The following SLC20A2 variants were observed in gnomAD, a reference collection of about 807,000 sequenced individuals.
SLC20A2 encodes solute carrier family 20 member 2.
In SLC20A2, 30 loss-of-function variants were observed where a neutral mutation model predicts 61.0. The observed-to-expected ratio is 0.49, with a 90% CI of 0.37 to 0.67. The LOEUF (loss-of-function observed/expected upper bound fraction) is 0.67. Ranked by LOEUF, SLC20A2 falls within the 30% of genes least tolerant of loss-of-function variation. The pLI, the probability that SLC20A2 is intolerant of heterozygous loss-of-function variation, is 0.00. For synonymous variants in SLC20A2, 351 were observed against 353.3 expected (o/e 0.99, Z 0.07); for missense variants, 626 against 866.4 (o/e 0.72, Z 3.48).
intron 1 of SLC20A2, among the ~76,000 whole-genome samples, chr8:42,510,245 A>G (rs1181752257): frequency 2.0e-5 from 3 of 152,194 alleles, no homozygotes; most frequent in Non-Finnish European, 1.5e-5. Flanking sequence ...AAAATATTCG[A>G]CTATGTTGAA....
chr8:42,427,731 T>C (rs1264642423), intron 10 of SLC20A2, among the ~76,000 whole-genome samples: 3 of 152,204 alleles, frequency 2.0e-5, no homozygotes, highest in Admixed American at 6.5e-5. Context: ...CCACCTGACC[T>C]GGGTGTTTGA....
At chr8:42,419,696 T>C (rs1253776353) in intron 10 of SLC20A2, 18 of 969,504 alleles carry the variant, frequency 1.9e-5, no homozygotes, top group Non-Finnish European at 2.2e-5. Context: ...CAAATAGTTT[T>C]ATAAATAGCT....
intron 8 of SLC20A2, among the ~76,000 whole-genome samples, chr8:42,433,894 T>C (rs780568638): frequency 1.3e-5 from 2 of 152,200 alleles, no homozygotes; most frequent in Admixed American, 6.5e-5. Context: ...TGCTGGGTCA[T>C]AGGGGAGGTC....
At chr8:42,450,431 T>C (rs183854607) in intron 5 of SLC20A2, among the ~76,000 whole-genome samples, 26 of 152,252 alleles carry the variant, frequency 1.7e-4, no homozygotes, top group Middle Eastern at 3.4e-3. Context: ...TTTCACCATA[T>C]TGGCCAACCT....
chr8:42,463,630 G>C (rs1360081607), intron 3 of SLC20A2, among the ~76,000 whole-genome samples: 2 of 152,164 alleles, frequency 1.3e-5, no homozygotes, highest in Non-Finnish European at 2.9e-5. Context: ...AACTCGTTTG[G>C]CCCTGGCTGG....
intron 2 of SLC20A2, among the ~76,000 whole-genome samples, chr8:42,468,631 G>C (rs1807372627): frequency 6.6e-6 from 1 of 152,168 alleles, no homozygotes. Context: ...TGGGATAAGA[G>C]TGCAAGCCAC....
intron 5 of SLC20A2, among the ~76,000 whole-genome samples, chr8:42,455,740 T>C (rs908899131): frequency 1.3e-5 from 2 of 152,150 alleles, no homozygotes; most frequent in Non-Finnish European, 2.9e-5. Context: ...TGTTTTAAAC[T>C]ACCTCCCACA....
intron 10 of SLC20A2, among the ~76,000 whole-genome samples, chr8:42,426,868 G>A (rs115441343): frequency 1.7e-3 from 259 of 152,294 alleles, no homozygotes; most frequent in African/African-American, 5.9e-3. Context: ...TCATAAGCCC[G>A]TGTCCTTGGA....
chr8:42,478,278 C>T (rs1808301667), intron 1 of SLC20A2, among the ~76,000 whole-genome samples: 1 of 138,532 alleles, frequency 7.2e-6, no homozygotes, highest in Non-Finnish European at 1.5e-5. Flanking sequence ...ATGGTTTGAT[C>T]TCTGCTCACT....
In SLC20A2 at chr8:42,533,651, G is replaced by GTTCTTTTTTTCTT. The variant is rs1380902729; in HGVS notation, c.-265+8169_-265+8170insAAGAAAAAAAGAA. ...ACATTAATGGCCTTAATGATCAACT[G>GTTCTTTTTTTCTT]TTCTTTTTTTTTTTTTTTTTTTTTT... is the stretch of plus-strand genomic sequence containing the variant. On this transcript the variant is annotated intron_variant, in intron 1 of 10. Transcript: ENST00000342228. 1.0e-3 allele frequency among the ~76,000 whole-genome samples: 92 copies of GTTCTTTTTTTCTT among 89,692 alleles called. 1 individual carries two copies. Among genetic ancestry groups the GTTCTTTTTTTCTT allele is most frequent in the African/African-American group, 4.2e-3 (88 of 20,844 alleles). The allele number at this position is 89,692 out of a possible 152,430, so 58.8% of individuals were successfully genotyped here.
chr8:42,464,274 A>C (rs1479689066), intron 3 of SLC20A2, among the ~76,000 whole-genome samples: 50 of 134,112 alleles, frequency 3.7e-4, no homozygotes, highest in African/African-American at 1.4e-3. Context: ...CACCAGGCTA[A>C]TTTTCTTTCT....
At chr8:42,466,982 T>G (rs1265828145) in intron 2 of SLC20A2, among the ~76,000 whole-genome samples, 1 of 152,050 alleles carries the variant, frequency 6.6e-6, no homozygotes, top group Admixed American at 6.6e-5. Flanking sequence ...TTATTAAAAT[T>G]TTTTTGCAGA....
chr8:42,472,061 G>C lies in SLC20A2; in HGVS notation c.289+41C>G, dbSNP rs768943585. 2 of 1,585,534 alleles carry C rather than the reference G, an allele frequency of 1.3e-6. No individual in the cohort carries two copies. Among genetic ancestry groups the C allele is most frequent in the South Asian group, 2.2e-5 (2 of 89,686 alleles). ...CAAAGTACTGCAGGGAAGCGGGTCA[G>C]TGGGCGGATGTCCCATCGGTATAGA... is the stretch of plus-strand genomic sequence containing the variant. On this transcript the variant is annotated intron_variant, in intron 2 of 10. Coordinates refer to ENST00000520262, the MANE Select transcript of SLC20A2 (RefSeq NM_001257180.2). This position sits in a 1 kb window ranked among gnomAD's most constrained non-coding sequence, Gnocchi z 4.1.
chr8:42,485,394 C>T (rs1428461830), intron 1 of SLC20A2, among the ~76,000 whole-genome samples: 2 of 152,092 alleles, frequency 1.3e-5, no homozygotes. Context: ...GTAATTCAAG[C>T]ACTTTGGGAG....
chr8:42,478,212 CTTTTT>C (rs35343530), intron 1 of SLC20A2, among the ~76,000 whole-genome samples: 5 of 127,532 alleles, frequency 3.9e-5, no homozygotes, highest in Admixed American at 8.8e-5. Context: ...TTTTCCTTTT[CTTTTT>C]TTTTTTTTTT....
chr8:42,520,257 G>A (rs578169325), intron 1 of SLC20A2, among the ~76,000 whole-genome samples: 42 of 149,604 alleles, frequency 2.8e-4, no homozygotes, highest in Middle Eastern at 3.5e-3. Context: ...CAAGTGATCC[G>A]CCCGCCTCAG....
At chr8:42,474,867 T>C (rs902727669) in intron 1 of SLC20A2, among the ~76,000 whole-genome samples, 2 of 134,116 alleles carry the variant, frequency 1.5e-5, no homozygotes, top group African/African-American at 2.9e-5. Context: ...GGACATGGTG[T>C]AGCAGGCAGC....
At chr8:42,502,844 A>T (rs1414425837), upstream of SLC20A2, among the ~76,000 whole-genome samples, 1 of 152,266 alleles carries the variant, frequency 6.6e-6, no homozygotes, top group Non-Finnish European at 1.5e-5. Flanking sequence ...TCTTAATGCC[A>T]AAAAGGACCT....
At chr8:42,497,476 G>A (rs951800719) in intron 1 of SLC20A2, among the ~76,000 whole-genome samples, 11 of 152,206 alleles carry the variant, frequency 7.2e-5, no homozygotes, top group African/African-American at 2.7e-4. Context: ...CGGTGCTGAC[G>A]CTGAAGAAAC....
Sources: gnomAD v4.1 joint callset for allele counts (sites outside exome capture counted in the v4.1 genomes callset) on GRCh38, gnomAD v4.1.1 for gene constraint, Gnocchi (gnomAD v3.1) non-coding constraint, MANE v1.5 for transcripts, NCBI Gene and HGNC (gene_info 2026-07-23, HGNC 2026-07-21) for gene names.